RNASE10: variants seen among roughly 807,000 people sequenced by gnomAD.
RNASE10 encodes ribonuclease A family member 10 (inactive).
In RNASE10, 2 loss-of-function variants were observed where a neutral mutation model predicts 1.1. The observed-to-expected ratio is 1.82, with a 90% CI of 0.74 to 5.73. RNASE10 has a LOEUF of 5.73. Among genes scored for constraint, RNASE10 ranks in the 30% most tolerant of loss-of-function variants. The probability of loss-of-function intolerance (pLI) is 0.05; values close to 1 mark genes in which losing one functional copy is unlikely to be tolerated. For missense variants in RNASE10, 276 were observed against 263.4 expected (o/e 1.05, Z -0.33); for synonymous variants, 97 against 96.2 (o/e 1.01, Z -0.05).
chr14:20,507,096 A>T (rs1227974534), intron 1 of RNASE10, among the ~76,000 whole-genome samples: 2 of 147,854 alleles, frequency 1.4e-5, no homozygotes, highest in African/African-American at 5.1e-5. Flanking sequence ...CCCGGCCAGG[A>T]CCCCGTCTGG....
intron 1 of RNASE10, among the ~76,000 whole-genome samples, 164 bp downstream of exon 1, chr14:20,506,183 G>GT (rs1390380603): frequency 3.0e-4 from 2 of 6,678 alleles, no homozygotes. Flanking sequence ...GGAGGGAGGT[G>GT]GGGGGGGGTC....
exon 2 of RNASE10, chr14:20,511,070 A>C (rs772066672): frequency 6.6e-7 from 1 of 1,523,780 alleles, no homozygotes; most frequent in South Asian, 1.3e-5. Flanking sequence ...ATAAAAAAGC[A>C]CATTATTATA....
At chr14:20,511,074 T>G in exon 2 of RNASE10, 1 of 1,518,280 alleles carries the variant, frequency 6.6e-7, no homozygotes, top group Non-Finnish European at 8.8e-7. Flanking sequence ...AAAAGCACAT[T>G]ATTATAACCT....
At chr14:20,506,192 T>G (rs1295620814) in intron 1 of RNASE10, among the ~76,000 whole-genome samples, 173 bp downstream of exon 1, 790 of 54,112 alleles carry the variant, frequency 0.015, no homozygotes, top group Admixed American at 0.021. Context: ...TGGGGGGGGG[T>G]CAGCCCCCCG....
chr14:20,509,266 C>G (rs1882835048), intron 1 of RNASE10, among the ~76,000 whole-genome samples: 1 of 152,244 alleles, frequency 6.6e-6, no homozygotes, highest in Non-Finnish European at 1.5e-5. Context: ...CCAGGCTGAT[C>G]TTGAACTCCT....
In RNASE10 at chr14:20,508,365, G is replaced by T. The variant is rs141911779; in HGVS notation, c.80-2102G>T. 4.6e-5 allele frequency among the ~76,000 whole-genome samples: 7 copies of T among 152,218 alleles called. No homozygotes were observed. In the East Asian group the frequency reaches 1.3e-3, roughly 29 times the overall value. ...AATAAACAATTCATAATTTAATGTT[G>T]CATGCTGTTCTGAGTAATGTGATGA... is the stretch of plus-strand genomic sequence containing the variant. On this transcript the variant is annotated intron_variant, in intron 1 of 1. Transcript: ENST00000430083.
chr14:20,508,137 A>G (rs1252454892), intron 1 of RNASE10, among the ~76,000 whole-genome samples: 1 of 152,164 alleles, frequency 6.6e-6, no homozygotes, highest in Non-Finnish European at 1.5e-5. Flanking sequence ...GAAGCATTTG[A>G]GAGTATATTG....
At chr14:20,512,847 C>T (rs1305724620), downstream of RNASE10, among the ~76,000 whole-genome samples, 4 of 152,056 alleles carry the variant, frequency 2.6e-5, no homozygotes, top group East Asian at 1.9e-4. Context: ...GCGAATCCCT[C>T]TCCGGGGAAA....
downstream of RNASE10, among the ~76,000 whole-genome samples, chr14:20,513,566 G>T (rs1882946988): frequency 6.6e-6 from 1 of 152,066 alleles, no homozygotes; most frequent in Non-Finnish European, 1.5e-5. Flanking sequence ...TTTTTTCAAA[G>T]TGGCCCCAAA....
intron 1 of RNASE10, among the ~76,000 whole-genome samples, chr14:20,506,346 A>G (rs1306643470): frequency 1.4e-4 from 10 of 72,894 alleles, no homozygotes; most frequent in African/African-American, 6.2e-4. Context: ...CCAGCCGCCC[A>G]GTCCGGGAGG....
chr14:20,510,667 G>A, exon 2 of RNASE10: 1 of 1,614,236 alleles, frequency 6.2e-7, no homozygotes, highest in Non-Finnish European at 8.5e-7. Context: ...CCAAACCACA[G>A]AAACGCTGGT....
At chr14:20,513,749 C>G (rs1882950243), downstream of RNASE10, among the ~76,000 whole-genome samples, 1 of 152,182 alleles carries the variant, frequency 6.6e-6, no homozygotes, top group Non-Finnish European at 1.5e-5. Context: ...CACACATTAA[C>G]ATACAATAGT....
chr14:20,513,798 G>A (rs574141189), downstream of RNASE10, among the ~76,000 whole-genome samples: 42 of 152,130 alleles, frequency 2.8e-4, no homozygotes, highest in Non-Finnish European at 6.0e-4. Context: ...AAATGCATTG[G>A]CCCCAAAAGT....
At chr14:20,504,266 T>G (rs1298153932), upstream of RNASE10, among the ~76,000 whole-genome samples, 4 of 152,174 alleles carry the variant, frequency 2.6e-5, no homozygotes, top group Admixed American at 2.6e-4. Context: ...GCCAGGGCAC[T>G]GCTCACGAAG....
chr14:20,504,836 A>G (rs1332130702), upstream of RNASE10, among the ~76,000 whole-genome samples: 3 of 151,764 alleles, frequency 2.0e-5, no homozygotes, highest in Non-Finnish European at 4.4e-5. Context: ...ACAAGGGAGC[A>G]CTCACCAGCT....
upstream of RNASE10, among the ~76,000 whole-genome samples, chr14:20,504,687 C>CAAA (rs71112507): frequency 3.8e-3 from 166 of 43,972 alleles, 3 homozygotes; most frequent in South Asian, 9.1e-3. Context: ...GACTCCGTCT[C>CAAA]AAAAAAAAAA....
chr14:20,511,724 T>C (rs531507422), downstream of RNASE10, among the ~76,000 whole-genome samples: 142 of 152,330 alleles, frequency 9.3e-4, no homozygotes, highest in African/African-American at 3.3e-3. Context: ...AGAACTCTTT[T>C]TTCTTGACCC....
upstream of RNASE10, among the ~76,000 whole-genome samples, chr14:20,504,687 C>CAGAAAAAAAAAAAAA (rs1882645773): frequency 2.2e-5 from 1 of 44,552 alleles, no homozygotes; most frequent in Non-Finnish European, 4.1e-5. Flanking sequence ...GACTCCGTCT[C>CAGAAAAAAAAAAAAA]AAAAAAAAAA....
chr14:20,509,214 A>C (rs779043896), intron 1 of RNASE10, among the ~76,000 whole-genome samples: 4 of 152,120 alleles, frequency 2.6e-5, no homozygotes, highest in Non-Finnish European at 5.9e-5. Flanking sequence ...CATGCCGGCT[A>C]ATTTTTGTAT....
Sources: allele counts gnomAD v4.1 joint callset (sites outside exome capture counted in the v4.1 genomes callset), GRCh38; gene constraint gnomAD v4.1.1; transcripts MANE v1.5; gene names NCBI Gene and HGNC (gene_info 2026-07-23, HGNC 2026-07-21).